FGD4: variants seen among roughly 807,000 people sequenced by gnomAD.
FGD4 encodes the protein FYVE, RhoGEF and PH domain containing 4.
A neutral mutation model predicts 102.0 loss-of-function variants in FGD4; 42 were observed. The observed-to-expected ratio is 0.41, with a 90% CI of 0.32 to 0.53. The LOEUF (loss-of-function observed/expected upper bound fraction) is 0.53. Among genes scored for constraint, FGD4 ranks in the 20% least tolerant of loss-of-function variants. The probability of loss-of-function intolerance (pLI) is 0.21; values close to 1 mark genes in which losing one functional copy is unlikely to be tolerated. For synonymous variants in FGD4, 380 were observed against 375.7 expected, an observed-to-expected ratio of 1.01 and a Z score of -0.13; for missense variants, 902 against 1,078.2, an observed-to-expected ratio of 0.84 and a Z score of 2.29.
chr12:32,488,413 G>A (rs867898771), intron 1 of FGD4, among the ~76,000 whole-genome samples: 2 of 151,504 alleles, frequency 1.3e-5, no homozygotes, highest in South Asian at 2.1e-4. Flanking sequence ...ATGATTATAC[G>A]GTCAGAATTT....
At chr12:32,474,100 C>CA (rs570066967) in intron 1 of FGD4, among the ~76,000 whole-genome samples, 9 of 148,802 alleles carry the variant, frequency 6.0e-5, no homozygotes, top group African/African-American at 1.7e-4. Flanking sequence ...AAAAAAAAAA[C>CA]AAAAAGTATT....
chr12:32,465,425 T>C (rs1277730214), intron 1 of FGD4, among the ~76,000 whole-genome samples: 1 of 151,926 alleles, frequency 6.6e-6, no homozygotes, highest in Non-Finnish European at 1.5e-5. Context: ...ATCCCAGCAC[T>C]TTGGGAGGCT....
At position 32,644,688 on chromosome 12, in the gene FGD4, GTT is replaced by G; in HGVS notation, c.*4158_*4159del. 6.6e-6 allele frequency: 1 copy of G among 152,220 alleles called. No homozygotes were observed. Among genetic ancestry groups the G allele is most frequent in the East Asian group, 1.9e-4 (1 of 5,174 alleles). The allele number at this position is 152,220 out of a possible 1,614,324, so 9.4% of individuals were successfully genotyped here. Reference sequence around the variant, plus strand: ...GCTGGTCTCCAGACCACAGCAATGTGTTTTAAGATAAGATGAAATATTTTAAC... The same window carrying G: ...GCTGGTCTCCAGACCACAGCAATGTGTTAAGATAAGATGAAATATTTTAAC... On this transcript the variant is annotated 3_prime_UTR_variant, in exon 17 of 17. Coordinates refer to ENST00000534526, the MANE Select transcript of FGD4 (RefSeq NM_001370298.3).
intron 7 of FGD4, among the ~76,000 whole-genome samples, chr12:32,604,261 A>G (rs1305823711): frequency 1.3e-5 from 2 of 151,674 alleles, no homozygotes; most frequent in East Asian, 3.9e-4. Context: ...TCATTTTCAG[A>G]AGTTTTCAGC....
At chr12:32,409,113 C>G (rs961351500) in intron 1 of FGD4, among the ~76,000 whole-genome samples, 1 of 152,102 alleles carries the variant, frequency 6.6e-6, no homozygotes, top group Non-Finnish European at 1.5e-5. Context: ...TCTTGTTTGG[C>G]TTCAAATTCT....
intron 1 of FGD4, among the ~76,000 whole-genome samples, chr12:32,483,511 C>T (rs1304497172): frequency 6.6e-6 from 1 of 152,154 alleles, no homozygotes; most frequent in Non-Finnish European, 1.5e-5. Flanking sequence ...TCTTTGCCCT[C>T]CAAACTGCCA....
chr12:32,548,640 G>A (rs1943419630), intron 1 of FGD4, among the ~76,000 whole-genome samples: 1 of 152,212 alleles, frequency 6.6e-6, no homozygotes, highest in Non-Finnish European at 1.5e-5. Context: ...TGAGAGAAAT[G>A]AGGGAGGTGG....
At chr12:32,527,834 A>G (rs1302175468) in intron 1 of FGD4, among the ~76,000 whole-genome samples, 2 of 152,200 alleles carry the variant, frequency 1.3e-5, no homozygotes, top group African/African-American at 2.4e-5. Context: ...GAGATTGTAA[A>G]TTGGGGTTTA....
In FGD4 at chr12:32,399,945, C is replaced by T. The variant is rs1940577189; in HGVS notation, c.152C>T (p.Pro51Leu). The stretch of plus-strand genomic sequence containing the variant: ...ACCGCTGCCTTCAAGGGCCAGGTGC[C>T]CTCAGGAGCCACAGGTAAGCGCCTC... Reference protein sequence around the residue: ...VGTAAFKGQVPSGATGSSTCP... With the variant: ...VGTAAFKGQVLSGATGSSTCP... The change falls in exon 1 of 17, where the codon CCC becomes CTC. Residue 51 changes from proline (P) to leucine (L), a missense_variant. By Grantham distance (98) the Pro-to-Leu change is moderately conservative. Around this residue, in one of 2 missense-constraint regions of FGD4, gnomAD observed 443 missense variants for 459.2 expected, o/e 0.96. Coordinates refer to ENST00000534526, the MANE Select transcript of FGD4 (RefSeq NM_001370298.3). 3 of 1,491,406 alleles carry T rather than the reference C, an allele frequency of 2.0e-6. No homozygotes were observed. The highest frequency in any genetic ancestry group is 2.9e-5 in the African/African-American group (2 of 68,964). The allele number at this position is 1,491,406 out of a possible 1,614,324, so 92.4% of individuals were successfully genotyped here.
At chr12:32,516,994 T>A (rs942808851) in intron 1 of FGD4, among the ~76,000 whole-genome samples, 2 of 152,168 alleles carry the variant, frequency 1.3e-5, no homozygotes, top group African/African-American at 4.8e-5. Flanking sequence ...CAATTTCAGG[T>A]CTAGCATAGT....
rs201445305 is a variant in FGD4 at position 32,625,099 on chromosome 12, T to C, written c.2046+31T>C. On this transcript the variant is annotated intron_variant, in intron 13 of 16. Coordinates refer to ENST00000534526, the MANE Select transcript of FGD4 (RefSeq NM_001370298.3). ...TTGAATTAAATTCTTAACTTCAACC[T>C]CTTTCATATCTTTGCAGGTGTAGAA... is the stretch of plus-strand genomic sequence containing the variant. The C allele has an allele frequency of 5.2e-6, 8 of 1,544,174 alleles. No individual in the cohort carries two copies. The East Asian group carries it at 1.8e-4, about 35-fold the overall frequency.
rs117608873 is a variant in FGD4 at position 32,520,955 on chromosome 12, A to G, written c.167-43182A>G. 3.1e-3 allele frequency among the ~76,000 whole-genome samples: 478 copies of G among 152,214 alleles called. 6 individuals are homozygous for G. In the East Asian group the frequency reaches 0.032, roughly 10 times the overall value. ...CACAGAGCCTCAGCCAAACTTGTCA[A>G]TTACTATTTTACTTGTTTGCTCTCC... On this transcript the variant is annotated intron_variant, in intron 1 of 16. Coordinates refer to ENST00000534526, the MANE Select transcript of FGD4 (RefSeq NM_001370298.3).
chr12:32,582,373 A>C lies in FGD4; in HGVS notation c.917A>C (p.Glu306Ala), dbSNP rs1946685352. The change falls in exon 4 of 17, where the codon GAA (glutamate) becomes GCA (alanine). Residue 306 changes from glutamate to alanine, a missense_variant. By Grantham distance (107) the Glu-to-Ala change is moderately radical. Coordinates refer to ENST00000534526, the MANE Select transcript of FGD4 (RefSeq NM_001370298.3). The stretch of plus-strand genomic sequence containing the variant: ...ATAGGCCCAGTGCTCCCCCTAGAAG[A>C]AAGAGGGGCAGAAACAGAAACCAAG... ...PGIGPVLPLE[E>A]RGAETETKVQ... The C allele has an allele frequency of 1.2e-6, 2 of 1,613,970 alleles. No homozygotes were observed. Among genetic ancestry groups the C allele is most frequent in the Non-Finnish European group, 1.7e-6 (2 of 1,180,004 alleles).
chr12:32,640,913 C>T lies in FGD4; in HGVS notation c.*380C>T. The T allele has an allele frequency of 2.5e-6, 1 of 397,452 alleles. No homozygotes were observed. The highest frequency in any genetic ancestry group is 4.5e-6 in the Non-Finnish European group (1 of 220,406). 24.6% of individuals were successfully genotyped at this position (397,452 alleles called of 1,614,324 possible). A position where few individuals can be genotyped will look rare whatever the true frequency, so the allele number is the denominator to read the frequency against. On this transcript the variant is annotated 3_prime_UTR_variant, in exon 17 of 17. Coordinates refer to ENST00000534526, the MANE Select transcript of FGD4 (RefSeq NM_001370298.3). ...GACCTGGAACAGTTTGAAAGATATA[C>T]CTCCATGTTGCCAAAATAGATCCAT...
intron 4 of FGD4, among the ~76,000 whole-genome samples, chr12:32,585,202 G>A (rs1294151443): frequency 7.1e-6 from 1 of 140,332 alleles, no homozygotes; most frequent in Non-Finnish European, 1.6e-5. Flanking sequence ...GTGACAGAGT[G>A]AGACCCTGTC....
At chr12:32,462,456 C>G (rs982940552) in intron 1 of FGD4, among the ~76,000 whole-genome samples, 4 of 152,110 alleles carry the variant, frequency 2.6e-5, no homozygotes, top group Non-Finnish European at 4.4e-5. Context: ...CCACTGCGCC[C>G]AGCCGACTTT....
chr12:32,561,070 G>GTTTTTTTTTTTTTTTTTTTTTTTTTTTTT lies in FGD4; in HGVS notation c.167-3063_167-3062insTTTTTTTTTTTTTTTTTTTTTTTTTTTTT, dbSNP rs1267043755. On this transcript the variant is annotated intron_variant, in intron 1 of 16. Transcript: ENST00000534526. ...AGCAGAAATGTGGTTTCTTTGTTGGGTTTTGTTTTTTTTTTTTTTTTTTTT... is the reference window on the plus strand; with the variant it reads ...AGCAGAAATGTGGTTTCTTTGTTGGGTTTTTTTTTTTTTTTTTTTTTTTTTTTTTTTTTGTTTTTTTTTTTTTTTTTTTT... Among the ~76,000 whole-genome samples the GTTTTTTTTTTTTTTTTTTTTTTTTTTTTT allele has an allele frequency of 1.5e-4, 14 of 90,786 alleles. 4 individuals carry two copies. Among genetic ancestry groups the GTTTTTTTTTTTTTTTTTTTTTTTTTTTTT allele is most frequent in the Non-Finnish European group, 2.0e-4 (9 of 46,058 alleles). 59.6% of individuals were successfully genotyped at this position (90,786 alleles called of 152,430 possible). A position where few individuals can be genotyped will look rare whatever the true frequency, so the allele number is the denominator to read the frequency against.
chr12:32,640,927 A>G lies in FGD4; in HGVS notation c.*394A>G, dbSNP rs1307187348. 1.7e-5 allele frequency: 6 copies of G among 345,674 alleles called. No homozygotes were observed. The highest frequency in any genetic ancestry group is 3.2e-5 in the Non-Finnish European group (6 of 189,298). 21.4% of individuals were successfully genotyped at this position (345,674 alleles called of 1,614,324 possible). On this transcript the variant is annotated 3_prime_UTR_variant, in exon 17 of 17. Transcript: ENST00000534526. ...TGAAAGATATACCTCCATGTTGCCA[A>G]AATAGATCCATGGTGAAAAATACAG... is the stretch of plus-strand genomic sequence containing the variant.
chr12:32,413,594 T>C (rs926925093), intron 1 of FGD4, among the ~76,000 whole-genome samples: 1 of 152,216 alleles, frequency 6.6e-6, no homozygotes, highest in Non-Finnish European at 1.5e-5. Context: ...GAACATGTAA[T>C]TTGTGCCCTC....
Sources: allele counts gnomAD v4.1 joint callset (sites outside exome capture counted in the v4.1 genomes callset), GRCh38; gene constraint gnomAD v4.1.1; regional missense constraint gnomAD v4.1.1; transcripts MANE v1.5; gene names NCBI Gene and HGNC (gene_info 2026-07-23, HGNC 2026-07-21).